Variants in CDH18 observed in about 807,000 individuals in gnomAD.
CDH18 encodes the protein cadherin 18.
A neutral mutation model predicts 67.9 loss-of-function variants in CDH18; 31 were observed. That is an observed-to-expected ratio of 0.46 (90% CI 0.34 to 0.62). The LOEUF (loss-of-function observed/expected upper bound fraction) is 0.62. Among genes scored for constraint, CDH18 ranks in the 20% least tolerant of loss-of-function variants. CDH18 has a pLI of 0.01. For missense variants in CDH18, 890 were observed against 975.5 expected (o/e 0.91, Z 1.17); for synonymous variants, 362 against 347.2 (o/e 1.04, Z -0.48).
chr5:20,195,306 A>T (rs554294665), intron 2 of CDH18, among the ~76,000 whole-genome samples: 1 of 152,162 alleles, frequency 6.6e-6, no homozygotes, highest in Admixed American at 6.5e-5. Context: ...ATTTTAATGC[A>T]TTCATATTAT....
In CDH18 at chr5:19,771,279, TATAGGTTA is replaced by T. The variant is rs575524562; in HGVS notation, c.229-24051_229-24044del. Among the ~76,000 whole-genome samples the T allele has an allele frequency of 9.8e-5, 15 of 152,302 alleles. No individual in the cohort carries two copies. In the East Asian group the frequency reaches 2.9e-3, roughly 29 times the overall value. On this transcript the variant is annotated intron_variant, in intron 3 of 12. Coordinates refer to ENST00000382275, the MANE Select transcript of CDH18 (RefSeq NM_004934.5). ...AAAAGTGATGGATGTCACTTGGAAA[TATAGGTTA>T]TAAAATGATATTGGCTTCTGTCATG...
intron 7 of CDH18, among the ~76,000 whole-genome samples, chr5:19,572,914 ATT>A (rs1227323437): frequency 2.0e-5 from 3 of 152,000 alleles, no homozygotes; most frequent in African/African-American, 7.3e-5. Flanking sequence ...AAGTTCCCCA[ATT>A]TTTCTGAATT....
chr5:20,216,514 G>C (rs1740783620), intron 2 of CDH18, among the ~76,000 whole-genome samples: 1 of 151,894 alleles, frequency 6.6e-6, no homozygotes, highest in Non-Finnish European at 1.5e-5. Context: ...ACTCAGGATA[G>C]ATTTCAACAA....
In CDH18 at chr5:19,568,178, C is replaced by T. The variant is rs78184459; in HGVS notation, c.1253+3401G>A. On this transcript the variant is annotated intron_variant, in intron 8 of 12. Coordinates refer to ENST00000382275, the MANE Select transcript of CDH18 (RefSeq NM_004934.5). Reference sequence around the variant, plus strand: ...TGAGTTTCAGAATGTTTAGCACCATCCATGACTTCCACCCCTAGATGCCAG... The same window carrying T: ...TGAGTTTCAGAATGTTTAGCACCATTCATGACTTCCACCCCTAGATGCCAG... Among the ~76,000 whole-genome samples the T allele has an allele frequency of 7.2e-3, 1,103 of 152,210 alleles. 7 individuals carry two copies. Among genetic ancestry groups the T allele is most frequent in the Non-Finnish European group, 0.011 (778 of 68,020 alleles).
chr5:19,704,351 G>A (rs759012231), intron 5 of CDH18, among the ~76,000 whole-genome samples: 8 of 152,078 alleles, frequency 5.3e-5, no homozygotes, highest in Non-Finnish European at 1.0e-4. Flanking sequence ...TTTGCTCTGT[G>A]AATGGCCTGA....
At chr5:20,069,190 T>C (rs1187452065) in intron 2 of CDH18, among the ~76,000 whole-genome samples, 3 of 151,948 alleles carry the variant, frequency 2.0e-5, no homozygotes, top group Non-Finnish European at 4.4e-5. Context: ...AATAGAAATT[T>C]ATATAAATAT....
At chr5:20,542,487 C>A (rs1757106281) in intron 1 of CDH18, among the ~76,000 whole-genome samples, 1 of 151,052 alleles carries the variant, frequency 6.6e-6, no homozygotes, top group Non-Finnish European at 1.5e-5. Flanking sequence ...ACATACAATG[C>A]TATATTGTGT....
intron 2 of CDH18, among the ~76,000 whole-genome samples, chr5:20,170,542 C>T (rs1736617287): frequency 6.6e-6 from 1 of 151,746 alleles, no homozygotes; most frequent in Admixed American, 6.6e-5. Flanking sequence ...TAATAGCATA[C>T]TAATAATTTA....
intron 4 of CDH18, among the ~76,000 whole-genome samples, chr5:19,740,807 C>T (rs1477730400): frequency 2.0e-5 from 3 of 151,816 alleles, no homozygotes; most frequent in Non-Finnish European, 4.4e-5. Flanking sequence ...TTTTAACTGT[C>T]GGTTCTGAAG....
chr5:19,974,994 T>C (rs1333151106), intron 2 of CDH18, among the ~76,000 whole-genome samples: 1 of 152,128 alleles, frequency 6.6e-6, no homozygotes, highest in African/African-American at 2.4e-5. Flanking sequence ...GTTAACAATA[T>C]CTACCTACAC....
In CDH18 at chr5:19,503,035, T is replaced by C. The variant is rs17852886; in HGVS notation, c.1587A>G (p.Glu529=). The change falls in exon 11 of 13, where the codon GAA becomes GAG. Residue 529 remains glutamate (E), a synonymous_variant. Transcript: ENST00000382275. ...NGPRFNFFLD[E]RLPVNPNFTL... is the part of the protein sequence containing the mutation. Reference sequence around the variant, plus strand: ...TGAAGTTTGGATTTACAGGCAGGCGTTCATCAAGAAAGAAGTTAAACCTTG... The same window carrying C: ...TGAAGTTTGGATTTACAGGCAGGCGCTCATCAAGAAAGAAGTTAAACCTTG... 2 of 1,612,500 alleles carry C rather than the reference T, an allele frequency of 1.2e-6. No individual in the cohort carries two copies. Among genetic ancestry groups the C allele is most frequent in the Non-Finnish European group, 1.7e-6 (2 of 1,178,694 alleles).
chr5:20,142,290 C>T (rs1580337164), intron 2 of CDH18, among the ~76,000 whole-genome samples: 5 of 152,122 alleles, frequency 3.3e-5, no homozygotes, highest in Admixed American at 2.0e-4. Context: ...ATCCAAAAAG[C>T]TAATCCAGCC....
intron 12 of CDH18, 23 bp from the exon 13 acceptor site, chr5:19,473,739 T>G: frequency 6.5e-7 from 1 of 1,547,764 alleles, no homozygotes; most frequent in Non-Finnish European, 8.7e-7. Flanking sequence ...GGAAAAAGGA[T>G]GAAGAATTAA....
chr5:19,568,772 T>C (rs1015246539), intron 8 of CDH18, among the ~76,000 whole-genome samples: 2 of 152,172 alleles, frequency 1.3e-5, no homozygotes, highest in Non-Finnish European at 2.9e-5. Context: ...CCTCTAGAAC[T>C]GTGAGAAATA....
At chr5:20,332,071 C>T (rs532099977) in intron 1 of CDH18, among the ~76,000 whole-genome samples, 66 of 152,126 alleles carry the variant, frequency 4.3e-4, no homozygotes, top group Non-Finnish European at 9.3e-4. Context: ...TTAGCCAAGC[C>T]CTTTATGTGG....
rs138035921 is a variant in CDH18 at position 19,922,643 on chromosome 5, A to T, written c.-257+58417T>A. ...ACTGAGCTGCTATGTACTTGGGTGAATTTACTTTTAATCTTTTTTCTATAC... is the reference window on the plus strand; with the variant it reads ...ACTGAGCTGCTATGTACTTGGGTGATTTTACTTTTAATCTTTTTTCTATAC... On this transcript the variant is annotated intron_variant, in intron 2 of 12. Transcript: ENST00000382275. 9.0e-3 allele frequency among the ~76,000 whole-genome samples: 1,374 copies of T among 152,208 alleles called. 27 individuals are homozygous for T. Among genetic ancestry groups the T allele is most frequent in the African/African-American group, 0.031 (1,289 of 41,528 alleles).
chr5:20,500,093 T>C (rs1342538958), intron 1 of CDH18, among the ~76,000 whole-genome samples: 1 of 152,156 alleles, frequency 6.6e-6, no homozygotes, highest in Admixed American at 6.6e-5. Context: ...CTGTCCACTT[T>C]TTGTTTTAAA....
intron 2 of CDH18, among the ~76,000 whole-genome samples, chr5:20,242,603 A>AT (rs1561905746): frequency 1.6e-3 from 146 of 88,534 alleles, no homozygotes; most frequent in East Asian, 4.9e-3. Context: ...AGGGAAAAAA[A>AT]AAAAAAAAAT....
intron 1 of CDH18, among the ~76,000 whole-genome samples, chr5:20,266,203 T>A (rs1179793556): frequency 1.3e-5 from 2 of 152,148 alleles, no homozygotes; most frequent in Non-Finnish European, 2.9e-5. Context: ...AGTGAGTCAA[T>A]CCCTTGTAAT....
Sources: gnomAD v4.1 joint callset for allele counts (sites outside exome capture counted in the v4.1 genomes callset) on GRCh38, gnomAD v4.1.1 for gene constraint, MANE v1.5 for transcripts, NCBI Gene and HGNC (gene_info 2026-07-23, HGNC 2026-07-21) for gene names.